ZNF407: variants seen among roughly 807,000 people sequenced by gnomAD.
ZNF407 encodes the protein zinc finger protein 407.
Under a neutral mutation model 131.2 loss-of-function variants are expected in ZNF407, and 17 were observed. The ratio of observed to expected loss-of-function variants is 0.13; its 90% confidence interval spans 0.09 to 0.19. The LOEUF (loss-of-function observed/expected upper bound fraction) is 0.19, where lower values mean the gene tolerates loss of function less well. Ranked by LOEUF, ZNF407 falls within the 10% of genes least tolerant of loss-of-function variation. ZNF407 has a pLI of 1.00. For missense variants in ZNF407, 2,681 were observed against 2,830.6 expected, an observed-to-expected ratio of 0.95 and a Z score of 1.20; for synonymous variants, 1,156 against 1,062.0, an observed-to-expected ratio of 1.09 and a Z score of -1.72.
intron 4 of ZNF407, among the ~76,000 whole-genome samples, chr18:74,852,182 C>T (rs1432445510): frequency 1.7e-5 from 2 of 115,444 alleles, no homozygotes; most frequent in East Asian, 5.3e-4. Context: ...CACACACACA[C>T]ACACACACAC....
intron 1 of ZNF407, among the ~76,000 whole-genome samples, chr18:74,608,331 C>G (rs949254041): frequency 2.6e-5 from 4 of 151,054 alleles, no homozygotes; most frequent in African/African-American, 9.8e-5. Flanking sequence ...TCTCTCCAGT[C>G]TGTGATAGTG....
chr18:74,644,594 C>G (rs546594615), intron 3 of ZNF407, among the ~76,000 whole-genome samples: 15 of 151,958 alleles, frequency 9.9e-5, no homozygotes, highest in African/African-American at 2.2e-4. Context: ...ACCTGGTACT[C>G]TAAATAGTAT....
intron 8 of ZNF407, among the ~76,000 whole-genome samples, chr18:75,004,562 G>A (rs888060291): frequency 9.9e-5 from 15 of 152,142 alleles, no homozygotes; most frequent in South Asian, 4.1e-4. Context: ...CCTATCAAGC[G>A]AGTCTCTTGC....
In ZNF407 at chr18:74,730,079, C is replaced by T. The variant is rs7244194; in HGVS notation, c.4803-51349C>T. Among the ~76,000 whole-genome samples the T allele has an allele frequency of 3.8e-3, 571 of 152,196 alleles. 5 individuals carry two copies. The highest frequency in any genetic ancestry group is 0.013 in the African/African-American group (528 of 41,522). On this transcript the variant is annotated intron_variant, in intron 3 of 8. Coordinates refer to ENST00000299687, the MANE Select transcript of ZNF407 (RefSeq NM_017757.3). ...CGCCTGTGGAAGGCCATGTGCCAGGCGCTATTCTTGGTCCTGTGGGACAGC... is the reference window on the plus strand; with the variant it reads ...CGCCTGTGGAAGGCCATGTGCCAGGTGCTATTCTTGGTCCTGTGGGACAGC...
intron 3 of ZNF407, among the ~76,000 whole-genome samples, chr18:74,650,439 T>C (rs931168547): frequency 1.3e-5 from 2 of 152,190 alleles, no homozygotes; most frequent in African/African-American, 4.8e-5. Flanking sequence ...CATTGAGATT[T>C]AGAGACTTGT....
intron 4 of ZNF407, among the ~76,000 whole-genome samples, chr18:74,841,668 G>A (rs1035257596): frequency 1.3e-5 from 2 of 152,192 alleles, no homozygotes; most frequent in African/African-American, 4.8e-5. Context: ...TCATTTCAAG[G>A]CTTCTATGCC....
intron 1 of ZNF407, among the ~76,000 whole-genome samples, chr18:74,629,517 C>T (rs1983951880): frequency 6.6e-6 from 1 of 152,114 alleles, no homozygotes; most frequent in South Asian, 2.1e-4. Context: ...TTGATAGTGG[C>T]TTTTGAAGCA....
At chr18:74,951,296 G>T (rs185632000) in intron 8 of ZNF407, among the ~76,000 whole-genome samples, 1 of 152,328 alleles carries the variant, frequency 6.6e-6, no homozygotes, top group Non-Finnish European at 1.5e-5. Context: ...GGGAAGGCAG[G>T]AGTAACAAAG....
At chr18:75,034,758 G>T (rs1568307438) in intron 8 of ZNF407, among the ~76,000 whole-genome samples, 1 of 152,102 alleles carries the variant, frequency 6.6e-6, no homozygotes, top group Admixed American at 6.5e-5. Context: ...CACATACTTT[G>T]GTGCTTAGAT....
At chr18:75,012,728 A>G (rs1355717906) in intron 8 of ZNF407, among the ~76,000 whole-genome samples, 2 of 151,824 alleles carry the variant, frequency 1.3e-5, no homozygotes, top group Admixed American at 6.6e-5. Context: ...CTATTAGGCA[A>G]TTCCATTTTT....
intron 7 of ZNF407, among the ~76,000 whole-genome samples, chr18:74,907,203 T>C (rs1971607991): frequency 6.6e-6 from 1 of 152,202 alleles, no homozygotes; most frequent in African/African-American, 2.4e-5. Flanking sequence ...AATGCCCAGA[T>C]AGTACACACA....
intron 7 of ZNF407, among the ~76,000 whole-genome samples, chr18:74,894,328 G>C (rs1024566154): frequency 6.6e-6 from 1 of 151,902 alleles, no homozygotes; most frequent in Non-Finnish European, 1.5e-5. Context: ...TATTATTTCT[G>C]TAGCAAATTC....
At chr18:74,994,659 T>C (rs1012160209) in intron 8 of ZNF407, among the ~76,000 whole-genome samples, 1 of 152,090 alleles carries the variant, frequency 6.6e-6, no homozygotes, top group African/African-American at 2.4e-5. Flanking sequence ...TCTCAAACGG[T>C]AGGGAGTATT....
intron 7 of ZNF407, among the ~76,000 whole-genome samples, chr18:74,909,031 C>T (rs1971633197): frequency 7.9e-6 from 1 of 126,264 alleles, no homozygotes; most frequent in African/African-American, 3.0e-5. Flanking sequence ...AGTAGAAACC[C>T]CCTTTCAACC....
At chr18:75,018,339 C>T (rs1391287733) in intron 8 of ZNF407, among the ~76,000 whole-genome samples, 1 of 151,812 alleles carries the variant, frequency 6.6e-6, no homozygotes, top group African/African-American at 2.4e-5. Context: ...ATGAAAAATA[C>T]AGTTGCAGTC....
chr18:74,599,114 A>G (rs1454617017), intron 1 of ZNF407, among the ~76,000 whole-genome samples: 1 of 152,218 alleles, frequency 6.6e-6, no homozygotes, highest in East Asian at 1.9e-4. Context: ...AGAAGAGCTT[A>G]TATGTCATTT....
At chr18:75,014,547 T>C (rs931843349) in intron 8 of ZNF407, among the ~76,000 whole-genome samples, 2 of 152,168 alleles carry the variant, frequency 1.3e-5, no homozygotes, top group Admixed American at 1.3e-4. Flanking sequence ...GGGCTTTTCC[T>C]GTCAGATAAG....
chr18:74,838,601 T>C (rs551203871), intron 4 of ZNF407, among the ~76,000 whole-genome samples: 1 of 152,348 alleles, frequency 6.6e-6, no homozygotes, highest in African/African-American at 2.4e-5. Flanking sequence ...TCAAAGTTTT[T>C]TTTTAATGTG....
intron 3 of ZNF407, among the ~76,000 whole-genome samples, chr18:74,663,355 G>T (rs1985794697): frequency 6.6e-6 from 1 of 152,104 alleles, no homozygotes; most frequent in African/African-American, 2.4e-5. Flanking sequence ...CTGGGATAAG[G>T]ACATAAAAGG....
Sources: allele counts gnomAD v4.1 joint callset (sites outside exome capture counted in the v4.1 genomes callset), GRCh38; gene constraint gnomAD v4.1.1; transcripts MANE v1.5; gene names NCBI Gene and HGNC (gene_info 2026-07-23, HGNC 2026-07-21).